TTC21B: variants seen among roughly 807,000 people sequenced by gnomAD.
The protein encoded by TTC21B is tetratricopeptide repeat protein 21B.
A neutral mutation model predicts 175.1 loss-of-function variants in TTC21B; 127 were observed. The ratio of observed to expected loss-of-function variants is 0.73; its 90% CI spans 0.63 to 0.84. The LOEUF (loss-of-function observed/expected upper bound fraction) is 0.84. Among genes scored for constraint, TTC21B ranks in the 40% least tolerant of loss-of-function variants. The probability of loss-of-function intolerance (pLI) is 0.00; values close to 1 mark genes in which losing one functional copy is unlikely to be tolerated. For synonymous variants in TTC21B, 524 were observed against 524.5 expected, an observed-to-expected ratio of 1.00 and a Z score of 0.01; for missense variants, 1,561 against 1,558.3, an observed-to-expected ratio of 1.00 and a Z score of -0.03.
At chr2:165,892,183 G>C (rs897766215) in intron 22 of TTC21B, among the ~76,000 whole-genome samples, 2 of 152,126 alleles carry the variant, frequency 1.3e-5, no homozygotes, top group Non-Finnish European at 2.9e-5. Flanking sequence ...TACAGGACTA[G>C]GGATTTGTAG....
Position 165,946,294 on chromosome 2 carries a change from G to A in TTC21B, c.263-604C>T, listed in dbSNP as rs185082130. 2.8e-3 allele frequency among the ~76,000 whole-genome samples: 425 copies of A among 151,908 alleles called. 1 individual carries two copies. The highest frequency in any genetic ancestry group is 1.0e-2 in the African/African-American group (412 of 41,404). On this transcript the variant is annotated intron_variant, in intron 3 of 28. Coordinates refer to ENST00000243344, the MANE Select transcript of TTC21B (RefSeq NM_024753.5). Reference sequence around the variant, plus strand: ...GCGGAGCTTGCAGTGAGCAGAGATCGCGCCACTGCACTCCAGCCTGGGTGA... The same window carrying A: ...GCGGAGCTTGCAGTGAGCAGAGATCACGCCACTGCACTCCAGCCTGGGTGA...
intron 1 of TTC21B, among the ~76,000 whole-genome samples, chr2:165,952,724 A>G (rs1045975913): frequency 6.6e-6 from 1 of 152,198 alleles, no homozygotes; most frequent in Non-Finnish European, 1.5e-5. Context: ...AAAACAAGAC[A>G]TTTCAGCATT....
intron 12 of TTC21B, among the ~76,000 whole-genome samples, chr2:165,923,082 G>T (rs1663608488): frequency 6.6e-6 from 1 of 152,148 alleles, no homozygotes; most frequent in African/African-American, 2.4e-5. Flanking sequence ...TGGAGACTTA[G>T]AAGAGGGAGG....
At chr2:165,878,546 A>ATG (rs1022208815) in intron 27 of TTC21B, among the ~76,000 whole-genome samples, 3 of 146,504 alleles carry the variant, frequency 2.0e-5, no homozygotes, top group Non-Finnish European at 3.0e-5. Flanking sequence ...GTGTAGATAT[A>ATG]TGTGTGTGTG....
chr2:165,884,074 A>C, intron 25 of TTC21B, 56 bp from the exon 26 acceptor site: 1 of 1,386,482 alleles, frequency 7.2e-7, no homozygotes. Flanking sequence ...TGCCCCAAAA[A>C]CATACAGAAA....
chr2:165,881,562 A>T (rs1443201145), intron 26 of TTC21B, among the ~76,000 whole-genome samples: 2 of 152,110 alleles, frequency 1.3e-5, no homozygotes, highest in African/African-American at 4.8e-5. Context: ...CTCACAACGC[A>T]GGTTAATTGA....
At chr2:165,918,276 A>AT (rs1016916444) in intron 13 of TTC21B, among the ~76,000 whole-genome samples, 1 of 152,124 alleles carries the variant, frequency 6.6e-6, no homozygotes, top group Non-Finnish European at 1.5e-5. Flanking sequence ...AACCACTATC[A>AT]TAAGAAGCAG....
In TTC21B at chr2:165,899,757, T is replaced by C; in HGVS notation, c.2868+13A>G. The C allele has an allele frequency of 6.4e-7, 1 of 1,567,912 alleles. No individual in the cohort carries two copies. The highest frequency in any genetic ancestry group is 8.8e-7 in the Non-Finnish European group (1 of 1,138,016). ...ACAAGTGCTTTTATTGTACTGAAGT[T>C]CCTTGGACTGACCATGGTAGCAGCT... is the stretch of plus-strand genomic sequence containing the variant. On this transcript the variant is annotated intron_variant, in intron 21 of 28. Transcript: ENST00000243344.
At chr2:165,931,025 T>A (rs1686887761) in intron 8 of TTC21B, among the ~76,000 whole-genome samples, 1 of 152,226 alleles carries the variant, frequency 6.6e-6, no homozygotes, top group African/African-American at 2.4e-5. Context: ...ATTGAAATAA[T>A]GTGTCTAGCA....
chr2:165,885,759 A>G (rs1196189106), intron 25 of TTC21B, among the ~76,000 whole-genome samples: 1 of 152,238 alleles, frequency 6.6e-6, no homozygotes, highest in African/African-American at 2.4e-5. Context: ...TCCTGAGTGA[A>G]CTGAAGAACA....
chr2:165,874,527 T>C lies in TTC21B; in HGVS notation c.*228A>G. 2.0e-6 allele frequency: 1 copy of C among 492,786 alleles called. No homozygotes were observed. Among genetic ancestry groups the C allele is most frequent in the South Asian group, 2.5e-5 (1 of 39,650 alleles). The allele number at this position is 492,786 out of a possible 1,614,324, so 30.5% of individuals were successfully genotyped here. A position where few individuals can be genotyped will look rare whatever the true frequency, so the allele number is the denominator to read the frequency against. The stretch of plus-strand genomic sequence containing the variant: ...GTCTTTACCACAGAGTCACCAAATC[T>C]GTACCCAATCAAAACAGAGTCAAAT... On this transcript the variant is annotated 3_prime_UTR_variant, in exon 29 of 29. Coordinates refer to ENST00000243344, the MANE Select transcript of TTC21B (RefSeq NM_024753.5).
Position 165,917,414 on chromosome 2 carries a change from TCTG to T in TTC21B, c.1739_1741del (p.Ala580del). On this transcript the variant is annotated inframe_deletion, in exon 14 of 29. Transcript: ENST00000243344. ...TGCCATATGCAGTGTTTTAATTGCGTCTGCTATTTCTCCCATTTTCTTTTGTGA... is the reference window on the plus strand; with the variant it reads ...TGCCATATGCAGTGTTTTAATTGCGTCTATTTCTCCCATTTTCTTTTGTGA... 1 of 1,614,166 alleles carries T rather than the reference TCTG, an allele frequency of 6.2e-7. No homozygotes were observed. Among genetic ancestry groups the T allele is most frequent in the South Asian group, 1.1e-5 (1 of 91,080 alleles).
At chr2:165,953,432 C>G (rs1445890578) in intron 1 of TTC21B, among the ~76,000 whole-genome samples, 1 of 152,224 alleles carries the variant, frequency 6.6e-6, no homozygotes, top group Non-Finnish European at 1.5e-5. Context: ...ACACAACCAA[C>G]AGCATGGGGA....
chr2:165,925,355 A>T (rs1427278311), intron 11 of TTC21B, among the ~76,000 whole-genome samples: 1 of 152,186 alleles, frequency 6.6e-6, no homozygotes, highest in Non-Finnish European at 1.5e-5. Flanking sequence ...CTGTCTACCC[A>T]ACCAACTTTT....
At chr2:165,876,513 C>T (rs1684667878) in intron 27 of TTC21B, among the ~76,000 whole-genome samples, 1 of 152,164 alleles carries the variant, frequency 6.6e-6, no homozygotes, top group South Asian at 2.1e-4. Context: ...CTATAACTTA[C>T]TAGAAAAGTC....
At position 165,919,275 on chromosome 2, in the gene TTC21B, C is replaced by T; in HGVS notation, c.1674+1G>A. On this transcript the variant is annotated splice_donor_variant, in intron 13 of 28. Coordinates refer to ENST00000243344, the MANE Select transcript of TTC21B (RefSeq NM_024753.5). LOFTEE classifies it high-confidence loss of function. ...TATCCACTTCAGTCTGGAATACTTA[C>T]CTTAAAATCATAGCTCAGACAAAGT... 6.2e-7 allele frequency: 1 copy of T among 1,613,884 alleles called. No individual in the cohort carries two copies. The highest frequency in any genetic ancestry group is 8.5e-7 in the Non-Finnish European group (1 of 1,179,910).
intron 7 of TTC21B, among the ~76,000 whole-genome samples, chr2:165,932,160 A>G (rs983221778): frequency 6.6e-6 from 1 of 152,174 alleles, no homozygotes; most frequent in Non-Finnish European, 1.5e-5. Flanking sequence ...TCCGCCTTCA[A>G]TAGTTAATTC....
chr2:165,880,595 G>GA (rs1684804511), intron 27 of TTC21B, 84 bp downstream of exon 27: 3 of 1,477,314 alleles, frequency 2.0e-6, no homozygotes, highest in Non-Finnish European at 1.9e-6. Flanking sequence ...ATTTTGTTTT[G>GA]AAAAAAATCA....
chr2:165,933,771 G>A (rs1034562205), intron 6 of TTC21B: 1 of 152,162 alleles, frequency 6.6e-6, no homozygotes, highest in Admixed American at 6.5e-5. Context: ...ACTGCTTCTT[G>A]ACTAGGGACT....
Sources: allele counts gnomAD v4.1 joint callset (sites outside exome capture counted in the v4.1 genomes callset), GRCh38; gene constraint gnomAD v4.1.1; transcripts MANE v1.5; gene names NCBI Gene and HGNC (gene_info 2026-07-23, HGNC 2026-07-21).